The following HTRA4 variants were observed in gnomAD, a reference collection of about 807,000 sequenced individuals.
HTRA4 encodes the protein serine protease HTRA4.
Under a neutral mutation model 49.1 loss-of-function variants are expected in HTRA4, and 46 were observed. The observed-to-expected ratio is 0.94, with a 90% CI of 0.74 to 1.20. The LOEUF is 1.20. HTRA4 is among the 50% of genes most tolerant of loss of function. The probability of loss-of-function intolerance (pLI) is 0.00; values close to 1 mark genes in which losing one functional copy is unlikely to be tolerated. For synonymous variants in HTRA4, 261 were observed against 264.0 expected, an observed-to-expected ratio of 0.99 and a Z score of 0.11; for missense variants, 602 against 636.9, an observed-to-expected ratio of 0.95 and a Z score of 0.59.
At chr8:38,985,049 A>G (rs1422766688) in intron 8 of HTRA4, among the ~76,000 whole-genome samples, 2 of 152,238 alleles carry the variant, frequency 1.3e-5, no homozygotes, top group Non-Finnish European at 2.9e-5. Flanking sequence ...ACAGCTTCCA[A>G]AAGAAGGTTC....
chr8:38,979,945 T>C (rs1835398691), intron 5 of HTRA4, among the ~76,000 whole-genome samples: 1 of 152,230 alleles, frequency 6.6e-6, no homozygotes, highest in Non-Finnish European at 1.5e-5. Context: ...AATTACATAA[T>C]GTCATCTGTC....
At position 38,988,125 on chromosome 8, in the gene HTRA4, T is replaced by C; in HGVS notation, c.*27T>C. 1 of 1,334,534 alleles carries C rather than the reference T, an allele frequency of 7.5e-7. No homozygotes were observed. Among genetic ancestry groups the C allele is most frequent in the South Asian group, 1.5e-5 (1 of 66,130 alleles). 82.7% of individuals were successfully genotyped at this position (1,334,534 alleles called of 1,614,324 possible). A position where few individuals can be genotyped will look rare whatever the true frequency, so the allele number is the denominator to read the frequency against. On this transcript the variant is annotated 3_prime_UTR_variant, in exon 9 of 9. Transcript: ENST00000302495. Reference sequence around the variant, plus strand: ...TATCTTGTTTTAAAGTGGGATTATCTAAAAAAAAAAAAACCAGTTATATCA... The same window carrying C: ...TATCTTGTTTTAAAGTGGGATTATCCAAAAAAAAAAAAACCAGTTATATCA...
chr8:38,982,365 G>A (rs1835434173), intron 6 of HTRA4, 133 bp from the exon 7 acceptor site: 1 of 714,630 alleles, frequency 1.4e-6, no homozygotes, highest in Non-Finnish European at 2.4e-6. Context: ...AAGGTTCTCT[G>A]AAGCCTGTGT....
At chr8:38,980,742 A>G (rs1024287464) in intron 5 of HTRA4, among the ~76,000 whole-genome samples, 29 of 120,996 alleles carry the variant, frequency 2.4e-4, no homozygotes, top group South Asian at 2.6e-4. Flanking sequence ...CGTCTCAAAA[A>G]GAAAAGAAAA....
intron 7 of HTRA4, 146 bp from the exon 8 acceptor site, chr8:38,982,807 G>C (rs1029892576): frequency 3.1e-6 from 2 of 648,444 alleles, no homozygotes; most frequent in Non-Finnish European, 5.4e-6. Flanking sequence ...CCCGAACTGA[G>C]AGGAGAATGA....
chr8:38,985,034 C>T (rs1409547511), intron 8 of HTRA4, among the ~76,000 whole-genome samples: 1 of 152,190 alleles, frequency 6.6e-6, no homozygotes, highest in Non-Finnish European at 1.5e-5. Flanking sequence ...AAAGCAAAGG[C>T]TAGGACAGCT....
At chr8:38,984,075 A>G (rs2129427788) in intron 8 of HTRA4, among the ~76,000 whole-genome samples, 1 of 151,790 alleles carries the variant, frequency 6.6e-6, no homozygotes, top group Non-Finnish European at 1.5e-5. Flanking sequence ...ATCTTGGCTC[A>G]CTGCAACCTC....
chr8:38,978,189 G>C, intron 4 of HTRA4, 42 bp downstream of exon 4: 1 of 1,549,852 alleles, frequency 6.5e-7, no homozygotes, highest in Non-Finnish European at 8.8e-7. Context: ...ATGGGCTGTG[G>C]ACCAGTACAG....
In HTRA4 at chr8:38,982,968, G is replaced by A; in HGVS notation, c.1188G>A (p.Leu396=). The change falls in exon 8 of 9, where the codon TTG becomes TTA. Residue 396 remains leucine, a synonymous_variant. Coordinates refer to ENST00000302495, the MANE Select transcript of HTRA4 (RefSeq NM_153692.4). ...CTTCTCTTAGCCTTAGTGAAGAATT[G>A]AAAATGCATTATCCAGATTTCCCTG... ...LSLTVPLSEE[L]KMHYPDFPDV... is the part of the protein sequence containing the mutation. 6.2e-7 allele frequency: 1 copy of A among 1,612,504 alleles called. No individual in the cohort carries two copies. The highest frequency in any genetic ancestry group is 8.5e-7 in the Non-Finnish European group (1 of 1,178,718).
intron 7 of HTRA4, 51 bp downstream of exon 7, chr8:38,982,606 T>C (rs376517015): frequency 2.2e-5 from 34 of 1,546,206 alleles, no homozygotes; most frequent in Non-Finnish European, 2.6e-5. Flanking sequence ...GCAAAAACCA[T>C]AGCTGCACAG....
At position 38,975,145 on chromosome 8, in the gene HTRA4, G is replaced by A; in HGVS notation, c.566+15G>A. 1 of 1,608,214 alleles carries A rather than the reference G, an allele frequency of 6.2e-7. No homozygotes were observed. Among genetic ancestry groups the A allele is most frequent in the Non-Finnish European group, 8.5e-7 (1 of 1,175,770 alleles). ...CTGTGGGGCAGGTAAAGGAGGAGGA[G>A]GAAGACCTCCACTGTCCCAGCTAAT... On this transcript the variant is annotated intron_variant, in intron 2 of 8. Transcript: ENST00000302495.
chr8:38,981,077 T>TTGTTTG (rs1554565756), intron 5 of HTRA4, among the ~76,000 whole-genome samples: 19 of 105,166 alleles, frequency 1.8e-4, no homozygotes, highest in Admixed American at 5.2e-4. Flanking sequence ...TTTTTTTTTT[T>TTGTTTG]TTTTTTTTTT....
At chr8:38,981,893 G>C (rs1158517178) in intron 6 of HTRA4, 126 bp downstream of exon 6, 2 of 677,706 alleles carry the variant, frequency 3.0e-6, no homozygotes, top group African/African-American at 3.6e-5. Context: ...CGTCATCCAG[G>C]TTGGAGTGCA....
rs748089539 is a variant in HTRA4 at position 38,988,007 on chromosome 8, T to C, written c.1340T>C (p.Val447Ala). Residue 447 changes from valine to alanine, a missense_variant, in exon 9 of 9, where the codon GTT becomes GCT. Val to Ala is a moderately conservative substitution (Grantham distance 64). Coordinates refer to ENST00000302495, the MANE Select transcript of HTRA4 (RefSeq NM_153692.4). ...GKPITTTTDV[V>A]KALDSDSLSM... ...CCTATTACTACTACAACTGATGTTG[T>C]TAAAGCTCTTGACAGTGATTCCCTT... The C allele has an allele frequency of 1.9e-6, 3 of 1,612,806 alleles. No homozygotes were observed. Among genetic ancestry groups the C allele is most frequent in the Non-Finnish European group, 1.7e-6 (2 of 1,179,632 alleles).
chr8:38,979,151 G>A lies in HTRA4; in HGVS notation c.967-64G>A, dbSNP rs1223180326. On this transcript the variant is annotated intron_variant, in intron 4 of 8. Transcript: ENST00000302495. ...TGGTAAACTGTTTTGGGAGCTATGT[G>A]TAAAGGACAAGGGGGAATGTATTCA... is the stretch of plus-strand genomic sequence containing the variant. The A allele has an allele frequency of 4.9e-6, 7 of 1,439,360 alleles. No homozygotes were observed. In the South Asian group the frequency reaches 5.7e-5, roughly 12 times the overall value. 89.2% of individuals were successfully genotyped at this position (1,439,360 alleles called of 1,614,324 possible).
chr8:38,983,557 A>G (rs947073500), intron 8 of HTRA4, among the ~76,000 whole-genome samples: 2 of 152,110 alleles, frequency 1.3e-5, no homozygotes, highest in African/African-American at 4.8e-5. Flanking sequence ...ATATAGTAGT[A>G]TATTGGGGGG....
intron 3 of HTRA4, among the ~76,000 whole-genome samples, chr8:38,977,726 A>G (rs1835369948): frequency 6.6e-6 from 1 of 152,178 alleles, no homozygotes; most frequent in Admixed American, 6.5e-5. Context: ...TAGATCTTAG[A>G]AATGATCCTA....
chr8:38,975,976 A>G (rs1259928891), intron 2 of HTRA4, among the ~76,000 whole-genome samples: 1 of 152,236 alleles, frequency 6.6e-6, no homozygotes, highest in African/African-American at 2.4e-5. Context: ...CCAGCTCTGA[A>G]GAAGCAGTGT....
chr8:38,979,319 G>A, intron 5 of HTRA4, 72 bp downstream of exon 5: 1 of 1,402,612 alleles, frequency 7.1e-7, no homozygotes, highest in Non-Finnish European at 1.0e-6. Flanking sequence ...TCCAGGCCAG[G>A]GGTGGTGGCT....
Sources: allele counts gnomAD v4.1 joint callset (sites outside exome capture counted in the v4.1 genomes callset), GRCh38; gene constraint gnomAD v4.1.1; transcripts MANE v1.5; gene names NCBI Gene and HGNC (gene_info 2026-07-23, HGNC 2026-07-21).